Variants in IGF2BP2 observed in about 807,000 individuals in gnomAD.
The protein encoded by IGF2BP2 is insulin-like growth factor 2 mRNA-binding protein 2.
A neutral mutation model predicts 75.8 loss-of-function variants in IGF2BP2; 17 were observed. The observed-to-expected ratio is 0.22, with a 90% CI of 0.15 to 0.34. The LOEUF is 0.34. Ranked by LOEUF, IGF2BP2 falls within the 10% of genes least tolerant of loss-of-function variation. The pLI is 1.00. For missense variants in IGF2BP2, 516 were observed against 772.4 expected, an observed-to-expected ratio of 0.67 and a Z score of 3.93; for synonymous variants, 288 against 295.6, an observed-to-expected ratio of 0.97 and a Z score of 0.26.
chr3:185,785,409 C>T (rs967336570), intron 2 of IGF2BP2, among the ~76,000 whole-genome samples: 3 of 146,512 alleles, frequency 2.0e-5, no homozygotes, highest in African/African-American at 7.6e-5. Flanking sequence ...GTGTCAATAA[C>T]GAGTGTTAAA....
In IGF2BP2 at chr3:185,691,682, A is replaced by G. The variant is rs572190405; in HGVS notation, c.404+1017T>C. Among the ~76,000 whole-genome samples, 8 of 152,156 alleles carry G rather than the reference A, an allele frequency of 5.3e-5. No homozygotes were observed. In the South Asian group the frequency reaches 1.2e-3, roughly 24 times the overall value. On this transcript the variant is annotated intron_variant, in intron 5 of 15. Coordinates refer to ENST00000382199, the MANE Select transcript of IGF2BP2 (RefSeq NM_006548.6). ...GGCTGGTCTCAAACTCCTGGCTTCA[A>G]GTAATCCTCACCCTCCCAAGTAGCT...
intron 2 of IGF2BP2, among the ~76,000 whole-genome samples, chr3:185,769,944 C>T (rs1279336984): frequency 6.6e-6 from 1 of 151,806 alleles, no homozygotes; most frequent in Non-Finnish European, 1.5e-5. Flanking sequence ...ATCCACAAAC[C>T]ATCTTTTCAC....
intron 2 of IGF2BP2, among the ~76,000 whole-genome samples, chr3:185,706,722 G>A (rs1724073419): frequency 6.6e-6 from 1 of 151,282 alleles, no homozygotes; most frequent in Non-Finnish European, 1.5e-5. Flanking sequence ...TAGATTATCA[G>A]ATTTCTCAGA....
chr3:185,646,448 C>T (rs942971057), intron 15 of IGF2BP2, among the ~76,000 whole-genome samples: 10 of 152,192 alleles, frequency 6.6e-5, no homozygotes, highest in Non-Finnish European at 1.2e-4. Flanking sequence ...AGACCAGGAA[C>T]GCTCTCCCCA....
chr3:185,796,559 C>T (rs9808971), intron 2 of IGF2BP2, among the ~76,000 whole-genome samples: 1,126 of 92,736 alleles, frequency 0.012, 22 homozygotes, highest in African/African-American at 0.061. Context: ...AGTGACATTC[C>T]GTCTCAAAAA....
At position 185,773,939 on chromosome 3, in the gene IGF2BP2, C is replaced by T. The variant is rs80320492; in HGVS notation, c.239+49214G>A. ...GACAAATACTTTCTCAGCTCCTTCG[C>T]GGAGATCTTCTCACTTCTGGCCCTC... On this transcript the variant is annotated intron_variant, in intron 2 of 15. Coordinates refer to ENST00000382199, the MANE Select transcript of IGF2BP2 (RefSeq NM_006548.6). Among the ~76,000 whole-genome samples, 477 of 152,264 alleles carry T rather than the reference C, an allele frequency of 3.1e-3. 2 individuals are homozygous for T. The highest frequency in any genetic ancestry group is 5.3e-3 in the Non-Finnish European group (360 of 68,004).
At chr3:185,806,310 T>C (rs1212965653) in intron 2 of IGF2BP2, among the ~76,000 whole-genome samples, 3 of 152,230 alleles carry the variant, frequency 2.0e-5, no homozygotes, top group Non-Finnish European at 4.4e-5. Context: ...TTAGCATCTA[T>C]TCTGGTTGAC....
chr3:185,792,630 G>A (rs986676205), intron 2 of IGF2BP2, among the ~76,000 whole-genome samples: 2 of 151,842 alleles, frequency 1.3e-5, no homozygotes, highest in South Asian at 4.2e-4. Context: ...AGCCGGGCCT[G>A]GTGACGGGCA....
At chr3:185,803,289 T>G (rs1738529245) in intron 2 of IGF2BP2, among the ~76,000 whole-genome samples, 2 of 152,184 alleles carry the variant, frequency 1.3e-5, no homozygotes, top group African/African-American at 2.4e-5. Context: ...AGGCAGAGGT[T>G]GCAGTGAGCC....
intron 2 of IGF2BP2, among the ~76,000 whole-genome samples, chr3:185,800,208 A>G (rs1220047038): frequency 6.6e-6 from 1 of 152,188 alleles, no homozygotes; most frequent in Non-Finnish European, 1.5e-5. Context: ...GTTCTCACTC[A>G]TAGGTGGGAA....
At chr3:185,685,730 AAATTCTTAGGCTCAAGC>A (rs1269774032) in intron 7 of IGF2BP2, among the ~76,000 whole-genome samples, 1 of 152,078 alleles carries the variant, frequency 6.6e-6, no homozygotes, top group African/African-American at 2.4e-5. Flanking sequence ...CTCATTGCTC[AAATTCTTAGGCTCAAGC>A]AATTCTGCCT....
At position 185,657,275 on chromosome 3, in the gene IGF2BP2, A is replaced by G; in HGVS notation, c.1386+11T>C. ...GTAGAAGGGCCACAGGGCCGTCAGG[A>G]GCAGCCTCACCTTGATAGAGGCTCC... On this transcript the variant is annotated intron_variant, in intron 12 of 15. Transcript: ENST00000382199. The G allele has an allele frequency of 6.3e-7, 1 of 1,595,510 alleles. No homozygotes were observed. The highest frequency in any genetic ancestry group is 8.6e-7 in the Non-Finnish European group (1 of 1,164,346).
intron 2 of IGF2BP2, among the ~76,000 whole-genome samples, chr3:185,778,423 T>C (rs771125157): frequency 1.3e-5 from 2 of 152,212 alleles, no homozygotes; most frequent in African/African-American, 2.4e-5. Flanking sequence ...GAGTCAACTT[T>C]TTTCTCATCA....
At chr3:185,718,274 G>A (rs985877944) in intron 2 of IGF2BP2, 1 of 152,182 alleles carries the variant, frequency 6.6e-6, no homozygotes, top group Non-Finnish European at 1.5e-5. Context: ...CTGTAATCTG[G>A]CCCTGTACAG....
At chr3:185,684,359 GTC>G (rs1720811333) in intron 7 of IGF2BP2, among the ~76,000 whole-genome samples, 2 of 151,682 alleles carry the variant, frequency 1.3e-5, no homozygotes, top group Non-Finnish European at 2.9e-5. Flanking sequence ...TCAGTTACAT[GTC>G]ATCATTGGAT....
At chr3:185,675,729 G>T in intron 8 of IGF2BP2, 62 bp downstream of exon 8, 1 of 1,575,338 alleles carries the variant, frequency 6.3e-7, no homozygotes, top group South Asian at 1.2e-5. Flanking sequence ...GAATGAACTA[G>T]ACGTATCGAA....
At chr3:185,679,126 G>A (rs1296563993) in intron 7 of IGF2BP2, among the ~76,000 whole-genome samples, 1 of 152,046 alleles carries the variant, frequency 6.6e-6, no homozygotes, top group African/African-American at 2.4e-5. Context: ...TTACTGATAG[G>A]GAAGGACTTA....
chr3:185,771,825 G>T (rs930907882), intron 2 of IGF2BP2, among the ~76,000 whole-genome samples: 1 of 152,060 alleles, frequency 6.6e-6, no homozygotes, highest in African/African-American at 2.4e-5. Flanking sequence ...GAAAACAATG[G>T]AACTGGAAAG....
In IGF2BP2 at chr3:185,645,690, C is replaced by T. The variant is rs561264046; in HGVS notation, c.1708-67G>A. The T allele has an allele frequency of 4.3e-5, 51 of 1,195,664 alleles. No homozygotes were observed. In the East Asian group the frequency reaches 5.4e-4, roughly 13 times the overall value. 74.1% of individuals were successfully genotyped at this position (1,195,664 alleles called of 1,614,324 possible). A position where few individuals can be genotyped will look rare whatever the true frequency, so the allele number is the denominator to read the frequency against. ...AAAGGAACCCAGTTCTGAGGACAAA[C>T]GGCAGGGGAGGCTCTGGGGCTTGGG... On this transcript the variant is annotated intron_variant, in intron 15 of 15. Transcript: ENST00000382199. The surrounding 1 kb of genome is among the most constrained non-coding windows in gnomAD (Gnocchi z 4.9).
Sources: allele counts gnomAD v4.1 joint callset (sites outside exome capture counted in the v4.1 genomes callset), GRCh38; gene constraint gnomAD v4.1.1; non-coding constraint Gnocchi (gnomAD v3.1); transcripts MANE v1.5; gene names NCBI Gene and HGNC (gene_info 2026-07-23, HGNC 2026-07-21).